The following GABRA2 variants were observed in gnomAD, a reference collection of about 807,000 sequenced individuals.
GABRA2 encodes gamma-aminobutyric acid receptor subunit alpha-2.
A neutral mutation model predicts 48.7 loss-of-function variants in GABRA2; 16 were observed. The observed-to-expected ratio is 0.33, with a 90% CI of 0.22 to 0.50. GABRA2 has a LOEUF of 0.50. GABRA2 is among the 20% of genes least tolerant of loss of function. The pLI, the probability that GABRA2 is intolerant of heterozygous loss-of-function variation, is 0.98. For missense variants in GABRA2, 275 were observed against 535.6 expected (o/e 0.51, Z 4.80); for synonymous variants, 185 against 184.5 (o/e 1.00, Z -0.02).
intron 8 of GABRA2, among the ~76,000 whole-genome samples, chr4:46,281,008 G>A (rs1225753400): frequency 6.6e-6 from 1 of 152,160 alleles, no homozygotes; most frequent in South Asian, 2.1e-4. Flanking sequence ...CCAGAACTAA[G>A]AGAAGATGAA....
intron 3 of GABRA2, among the ~76,000 whole-genome samples, chr4:46,333,318 A>G (rs889645790): frequency 6.6e-6 from 1 of 152,128 alleles, no homozygotes; most frequent in Non-Finnish European, 1.5e-5. Context: ...AAATTATGTA[A>G]CATAATAACT....
intron 8 of GABRA2, among the ~76,000 whole-genome samples, chr4:46,293,016 G>A (rs1413016043): frequency 6.6e-6 from 1 of 152,172 alleles, no homozygotes; most frequent in Non-Finnish European, 1.5e-5. Flanking sequence ...AAGGCAAGGT[G>A]GGTGGAGCTA....
intron 3 of GABRA2, chr4:46,363,793 G>A (rs951007169): frequency 3.3e-5 from 5 of 152,040 alleles, no homozygotes; most frequent in African/African-American, 9.7e-5. Context: ...CCAATAATGC[G>A]CTTTAAGAGT....
intron 3 of GABRA2, among the ~76,000 whole-genome samples, chr4:46,350,594 C>A (rs1042979095): frequency 6.6e-6 from 1 of 151,600 alleles, no homozygotes; most frequent in Non-Finnish European, 1.5e-5. Flanking sequence ...TGAACTGCCT[C>A]AAACTTAAAT....
At chr4:46,372,024 C>T (rs1714974841) in intron 3 of GABRA2, among the ~76,000 whole-genome samples, 1 of 152,010 alleles carries the variant, frequency 6.6e-6, no homozygotes, top group East Asian at 1.9e-4. Flanking sequence ...CATCTTGAGC[C>T]CAACATAAAT....
intron 8 of GABRA2, among the ~76,000 whole-genome samples, chr4:46,285,481 G>A (rs1354524178): frequency 6.6e-6 from 1 of 151,968 alleles, no homozygotes; most frequent in Non-Finnish European, 1.5e-5. Context: ...ACTAGGATGG[G>A]TAGAGTCTTC....
intron 9 of GABRA2, among the ~76,000 whole-genome samples, chr4:46,257,043 G>A (rs541342909): frequency 6.6e-6 from 1 of 151,662 alleles, no homozygotes; most frequent in Admixed American, 6.6e-5. Flanking sequence ...AATAAGATAT[G>A]TACTAAATAC....
chr4:46,378,411 G>A (rs1716273617), intron 3 of GABRA2, among the ~76,000 whole-genome samples: 1 of 151,890 alleles, frequency 6.6e-6, no homozygotes, highest in African/African-American at 2.4e-5. Context: ...GGGTTGAATG[G>A]ATTAAGGGCG....
chr4:46,356,575 C>T (rs1216793367), intron 3 of GABRA2, among the ~76,000 whole-genome samples: 2 of 152,118 alleles, frequency 1.3e-5, no homozygotes, highest in African/African-American at 2.4e-5. Context: ...ACCTAGACTT[C>T]GCATATAAAA....
intron 3 of GABRA2, among the ~76,000 whole-genome samples, chr4:46,377,991 G>T (rs1436602683): frequency 1.3e-5 from 2 of 150,576 alleles, no homozygotes; most frequent in African/African-American, 4.9e-5. Context: ...AGGTGGGGGG[G>T]TCAGCCCCCC....
intron 3 of GABRA2, among the ~76,000 whole-genome samples, chr4:46,349,447 G>A (rs1734744012): frequency 6.6e-6 from 1 of 151,994 alleles, no homozygotes; most frequent in African/African-American, 2.4e-5. Context: ...TAGGAAAATT[G>A]TTATGATGGT....
chr4:46,264,091 A>C (rs1717615376), intron 8 of GABRA2, among the ~76,000 whole-genome samples: 1 of 152,086 alleles, frequency 6.6e-6, no homozygotes, highest in Non-Finnish European at 1.5e-5. Flanking sequence ...ATGCTAATGT[A>C]AATGGAATGG....
chr4:46,245,033 G>GT lies in GABRA2; in HGVS notation c.*5274dup, dbSNP rs1231439389. Among the ~76,000 whole-genome samples the GT allele has an allele frequency of 6.6e-6, 1 of 150,922 alleles. No individual in the cohort carries two copies. Among genetic ancestry groups the GT allele is most frequent in the African/African-American group, 2.4e-5 (1 of 41,218 alleles). ...GTTTTTGGTTTTTTTGTTGTTTTTT[G>GT]TTTTTTTGTTTGTTTGTTTCGTTTA... On this transcript the variant is annotated 3_prime_UTR_variant, in exon 10 of 10. Transcript: ENST00000381620.
chr4:46,273,468 C>CATATATATATATATATGCATAT (rs10686717), intron 8 of GABRA2, among the ~76,000 whole-genome samples: 1 of 43,076 alleles, frequency 2.3e-5, no homozygotes, highest in African/African-American at 1.0e-4. Context: ...CCATTCATTG[C>CATATATATATATATATGCATAT]ATATATATAT....
intron 3 of GABRA2, chr4:46,369,026 T>C (rs1305615480): frequency 5.7e-6 from 4 of 699,654 alleles, no homozygotes; most frequent in Middle Eastern, 2.3e-4. Context: ...AAGAAAGCTA[T>C]TAAAGATGCT....
intron 2 of GABRA2, among the ~76,000 whole-genome samples, chr4:46,388,275 T>C (rs1047102977): frequency 6.6e-6 from 1 of 152,154 alleles, no homozygotes; most frequent in African/African-American, 2.4e-5. Flanking sequence ...ATCACTTAGC[T>C]GGTACTTTTC....
intron 4 of GABRA2, among the ~76,000 whole-genome samples, chr4:46,322,264 G>A (rs986517682): frequency 3.3e-5 from 5 of 151,922 alleles, no homozygotes; most frequent in African/African-American, 1.2e-4. Flanking sequence ...TTAAGCTATG[G>A]TATGCACTGA....
intron 3 of GABRA2, among the ~76,000 whole-genome samples, chr4:46,382,282 T>C (rs982989896): frequency 6.6e-6 from 1 of 150,462 alleles, no homozygotes; most frequent in Non-Finnish European, 1.5e-5. Context: ...GGTAGACAGG[T>C]TGGAGTTTCA....
At chr4:46,281,685 A>G (rs1190302744) in intron 8 of GABRA2, among the ~76,000 whole-genome samples, 2 of 152,188 alleles carry the variant, frequency 1.3e-5, no homozygotes, top group Admixed American at 1.3e-4. Context: ...AAGCTTGATT[A>G]GGTGGATTTG....
Sources: allele counts gnomAD v4.1 joint callset (sites outside exome capture counted in the v4.1 genomes callset), GRCh38; gene constraint gnomAD v4.1.1; transcripts MANE v1.5; gene names NCBI Gene and HGNC (gene_info 2026-07-23, HGNC 2026-07-21).